MAP4K4: variants seen among roughly 807,000 people sequenced by gnomAD.
MAP4K4 encodes HPK/GCK-like kinase HGK.
In MAP4K4, 38 loss-of-function variants were observed where a neutral mutation model predicts 189.6. The ratio of observed to expected loss-of-function variants is 0.20; its 90% CI spans 0.15 to 0.26. MAP4K4 has a LOEUF of 0.26. Among genes scored for constraint, MAP4K4 ranks in the 10% least tolerant of loss-of-function variants. The probability of loss-of-function intolerance (pLI) is 1.00; values close to 1 mark genes in which losing one functional copy is unlikely to be tolerated. For synonymous variants in MAP4K4, 610 were observed against 624.3 expected (o/e 0.98, Z 0.34); for missense variants, 1,054 against 1,726.9 (o/e 0.61, Z 6.91).
intron 9 of MAP4K4, 63 bp from the exon 10 acceptor site, chr2:101,839,756 A>G (rs1290824436): frequency 8.0e-7 from 1 of 1,246,158 alleles, no homozygotes; most frequent in African/African-American, 1.5e-5. Context: ...CTTGTAAGTT[A>G]CTGATATTTT....
chr2:101,810,212 T>G (rs2095327000), intron 3 of MAP4K4, among the ~76,000 whole-genome samples: 1 of 152,212 alleles, frequency 6.6e-6, no homozygotes, highest in African/African-American at 2.4e-5. Context: ...TTTCAAAGAT[T>G]GCTGTGTCTA....
At chr2:101,866,733 T>C (rs1196607978) in intron 19 of MAP4K4, among the ~76,000 whole-genome samples, 154 bp downstream of exon 19, 1 of 150,152 alleles carries the variant, frequency 6.7e-6, no homozygotes, top group East Asian at 2.0e-4. Context: ...TCATCCTGAT[T>C]TTAATCATAA....
chr2:101,887,162 C>G, exon 30 of MAP4K4: 1 of 1,610,940 alleles, frequency 6.2e-7, no homozygotes, highest in Non-Finnish European at 8.5e-7. Context: ...TGAAAGTGAT[C>G]TATGGATCCT....
chr2:101,762,567 T>G (rs1017724235), intron 2 of MAP4K4, among the ~76,000 whole-genome samples: 4 of 152,160 alleles, frequency 2.6e-5, no homozygotes, highest in African/African-American at 9.7e-5. Flanking sequence ...TCAGCTCTTG[T>G]AGAGGTAAAA....
intron 2 of MAP4K4, among the ~76,000 whole-genome samples, chr2:101,756,195 C>G (rs1209792102): frequency 6.6e-6 from 1 of 152,078 alleles, no homozygotes; most frequent in African/African-American, 2.4e-5. Flanking sequence ...CCGCCTGCCT[C>G]GGCCTCCCAA....
At chr2:101,865,633 A>T (rs2097788622) in intron 18 of MAP4K4, among the ~76,000 whole-genome samples, 1 of 152,206 alleles carries the variant, frequency 6.6e-6, no homozygotes, top group Non-Finnish European at 1.5e-5. Context: ...GCTAGTGGCT[A>T]TGATATTATC....
Position 101,795,060 on chromosome 2 carries a change from C to T in MAP4K4, c.180+4284C>T, listed in dbSNP as rs563843256. 3.0e-4 allele frequency among the ~76,000 whole-genome samples: 46 copies of T among 152,222 alleles called. 1 individual carries two copies. Among genetic ancestry groups the T allele is most frequent in the Middle Eastern group, 3.4e-3 (1 of 294 alleles). Reference sequence around the variant, plus strand: ...TCATATTGCCTCACGTCAGGGAGTACGTCAGTTCTAGGTGAAGCCCACTTC... The same window carrying T: ...TCATATTGCCTCACGTCAGGGAGTATGTCAGTTCTAGGTGAAGCCCACTTC... On this transcript the variant is annotated intron_variant, in intron 3 of 32. Transcript: ENST00000324219.
At chr2:101,856,251 A>G (rs2097452916) in intron 13 of MAP4K4, 113 bp downstream of exon 13, 1 of 921,978 alleles carries the variant, frequency 1.1e-6, no homozygotes, top group Non-Finnish European at 1.6e-6. Flanking sequence ...ATGTACACAC[A>G]TACACATATA....
chr2:101,756,237 G>C (rs560918187), intron 2 of MAP4K4, among the ~76,000 whole-genome samples: 2 of 152,182 alleles, frequency 1.3e-5, no homozygotes, highest in African/African-American at 4.8e-5. Context: ...GAGCCACTGT[G>C]CCCGGCTGAC....
rs1330669633 is a variant in MAP4K4 at position 101,704,535 on chromosome 2, GTGTGTGTA to G, written c.123+5999_123+6006del. Among the ~76,000 whole-genome samples, 729 of 75,242 alleles carry G rather than the reference GTGTGTGTA, an allele frequency of 9.7e-3. 19 individuals are homozygous for G. Among genetic ancestry groups the G allele is most frequent in the East Asian group, 0.03 (71 of 2,370 alleles). 49.4% of individuals were successfully genotyped at this position (75,242 alleles called of 152,430 possible). A position where few individuals can be genotyped will look rare whatever the true frequency, so the allele number is the denominator to read the frequency against. Reference sequence around the variant, plus strand: ...ACCAATATTTTATGTGTGTGTGTGTGTGTGTGTATATATATATATATATATATATATAT... The same window carrying G: ...ACCAATATTTTATGTGTGTGTGTGTGTATATATATATATATATATATATAT... On this transcript the variant is annotated intron_variant, in intron 2 of 32. Transcript: ENST00000324219.
rs199904995 is a variant in MAP4K4 at position 101,799,237 on chromosome 2, G to A, written c.180+8461G>A. ...TTCCTCATCTGTAAAATGGAATAAT[G>A]CCTACTTCAGAGGCTTTTGTCAGAA... On this transcript the variant is annotated intron_variant, in intron 3 of 32. Transcript: ENST00000324219. Among the ~76,000 whole-genome samples the A allele has an allele frequency of 9.2e-5, 14 of 152,264 alleles. No homozygotes were observed. In the East Asian group the frequency reaches 2.3e-3, roughly 25 times the overall value.
chr2:101,733,411 T>C (rs2059278970), intron 2 of MAP4K4, among the ~76,000 whole-genome samples: 1 of 152,160 alleles, frequency 6.6e-6, no homozygotes, highest in African/African-American at 2.4e-5. Context: ...AGTTCTTTCA[T>C]GAGATCATGC....
intron 3 of MAP4K4, among the ~76,000 whole-genome samples, chr2:101,811,471 A>T (rs944370432): frequency 7.0e-6 from 1 of 143,312 alleles, no homozygotes; most frequent in African/African-American, 2.6e-5. Flanking sequence ...GGTTTCTTTT[A>T]TGCTGGCTCT....
intron 24 of MAP4K4, 63 bp from the exon 25 acceptor site, chr2:101,873,584 G>C: frequency 1.2e-6 from 1 of 862,988 alleles, no homozygotes; most frequent in Non-Finnish European, 1.9e-6. Context: ...ATTGAAATGT[G>C]TATTTTTAAT....
intron 12 of MAP4K4, among the ~76,000 whole-genome samples, chr2:101,855,467 T>C (rs1418008207): frequency 6.6e-6 from 1 of 152,234 alleles, no homozygotes; most frequent in Non-Finnish European, 1.5e-5. Context: ...ATTTGCTCAG[T>C]AGCAGTTTCT....
chr2:101,885,323 C>A, intron 29 of MAP4K4, 36 bp downstream of exon 29: 1 of 1,235,652 alleles, frequency 8.1e-7, no homozygotes, highest in Non-Finnish European at 1.2e-6. Flanking sequence ...GTAGTATTGG[C>A]CATTCAAGCT....
At chr2:101,877,737 T>A (rs1017315412) in intron 27 of MAP4K4, among the ~76,000 whole-genome samples, 2 of 148,874 alleles carry the variant, frequency 1.3e-5, no homozygotes, top group Non-Finnish European at 3.0e-5. Context: ...TATGTCTCTT[T>A]TTTACTTATT....
chr2:101,838,713 AT>A (rs1415338095), intron 9 of MAP4K4, among the ~76,000 whole-genome samples: 3 of 152,256 alleles, frequency 2.0e-5, no homozygotes, highest in Non-Finnish European at 4.4e-5. Context: ...ACATAAACAA[AT>A]GCAAATAGTT....
At chr2:101,892,017 GAAAAA>G (rs1190102913) in exon 33 of MAP4K4, 3 of 98,880 alleles carry the variant, frequency 3.0e-5, no homozygotes, top group Non-Finnish European at 4.2e-5. Flanking sequence ...AAAAAAAAAG[GAAAAA>G]AAAAAAGAAA....
Sources: gnomAD v4.1 joint callset for allele counts (sites outside exome capture counted in the v4.1 genomes callset) on GRCh38, gnomAD v4.1.1 for gene constraint, MANE v1.5 for transcripts, NCBI Gene and HGNC (gene_info 2026-07-23, HGNC 2026-07-21) for gene names.